The following PTPRN2 variants were observed in gnomAD, a reference collection of about 807,000 sequenced individuals.
PTPRN2 encodes receptor-type tyrosine-protein phosphatase N2.
In PTPRN2, 74 loss-of-function variants were observed where a neutral mutation model predicts 118.8. The observed-to-expected ratio is 0.62, with a 90% CI of 0.52 to 0.76. The LOEUF is 0.76. PTPRN2 is among the 30% of genes least tolerant of loss of function. The pLI is 0.00. For synonymous variants in PTPRN2, 641 were observed against 608.0 expected (o/e 1.05, Z -0.80); for missense variants, 1,481 against 1,394.4 (o/e 1.06, Z -0.99).
At chr7:158,305,464 T>C (rs1801210827) in intron 3 of PTPRN2, among the ~76,000 whole-genome samples, 2 of 152,214 alleles carry the variant, frequency 1.3e-5, no homozygotes, top group South Asian at 4.2e-4. Context: ...CATGGCAGCA[T>C]TGTTTTTGGG....
intron 1 of PTPRN2, among the ~76,000 whole-genome samples, chr7:158,580,685 C>T (rs28431118): frequency 0.011 from 1,602 of 152,242 alleles, 26 homozygotes; most frequent in African/African-American, 0.036. Flanking sequence ...TCTCTCATCC[C>T]TTATTCTGAA....
At chr7:158,009,548 A>G (rs1013147843) in intron 11 of PTPRN2, among the ~76,000 whole-genome samples, 1 of 152,242 alleles carries the variant, frequency 6.6e-6, no homozygotes, top group Non-Finnish European at 1.5e-5. Context: ...TGATAAGGCC[A>G]GGATTCTTAA....
In PTPRN2 at chr7:157,615,888, G is replaced by C; in HGVS notation, c.2344+5474C>G. 3.0e-6 allele frequency: 1 copy of C among 329,192 alleles called. No homozygotes were observed. The highest frequency in any genetic ancestry group is 6.0e-6 in the Non-Finnish European group (1 of 167,450). 20.4% of individuals were successfully genotyped at this position (329,192 alleles called of 1,614,324 possible). A position where few individuals can be genotyped will look rare whatever the true frequency, so the allele number is the denominator to read the frequency against. ...TAAGGAAAAGACTCTGGATGTTAGT[G>C]GGTTCGGCCTCAGAATCAGCCGGCG... On this transcript the variant is annotated intron_variant, in intron 15 of 22. Coordinates refer to ENST00000389418, the MANE Select transcript of PTPRN2 (RefSeq NM_002847.5). The surrounding 1 kb of genome is among the most constrained non-coding windows in gnomAD (Gnocchi z 4.3).
chr7:157,737,205 T>C (rs1800349749), intron 12 of PTPRN2, among the ~76,000 whole-genome samples: 2 of 152,264 alleles, frequency 1.3e-5, no homozygotes, highest in Admixed American at 6.5e-5. Flanking sequence ...TTTATCTTCA[T>C]GCGTCTTCCT....
intron 12 of PTPRN2, among the ~76,000 whole-genome samples, chr7:157,757,618 C>T (rs1401187143): frequency 6.6e-6 from 1 of 151,018 alleles, no homozygotes; most frequent in Non-Finnish European, 1.5e-5. Context: ...ATCTCGAAGC[C>T]GTGCGTCTTT....
At chr7:158,067,359 C>T (rs1170763561) in intron 11 of PTPRN2, among the ~76,000 whole-genome samples, 2 of 152,174 alleles carry the variant, frequency 1.3e-5, no homozygotes, top group Non-Finnish European at 2.9e-5. Flanking sequence ...TCCCAGCTGG[C>T]AGGGGGCAGG....
At chr7:158,066,746 T>C (rs1036883043) in intron 11 of PTPRN2, among the ~76,000 whole-genome samples, 4 of 151,794 alleles carry the variant, frequency 2.6e-5, no homozygotes, top group African/African-American at 7.3e-5. Context: ...AAATTAATAA[T>C]GCCAAGCAGA....
At chr7:157,707,646 C>T (rs1026023816) in intron 12 of PTPRN2, among the ~76,000 whole-genome samples, 9 of 151,840 alleles carry the variant, frequency 5.9e-5, no homozygotes, top group African/African-American at 1.2e-4. Context: ...TGCAGTGACA[C>T]GATCTCTGCT....
chr7:157,969,552 C>T (rs1330703145), intron 11 of PTPRN2, among the ~76,000 whole-genome samples: 1 of 152,056 alleles, frequency 6.6e-6, no homozygotes, highest in Non-Finnish European at 1.5e-5. Flanking sequence ...TGGGTTTCAT[C>T]AGAACCTCCT....
At chr7:158,072,008 CGT>C in intron 11 of PTPRN2, among the ~76,000 whole-genome samples, 1 of 110,926 alleles carries the variant, frequency 9.0e-6, no homozygotes, top group African/African-American at 3.7e-5. Context: ...TGGAGGTGCT[CGT>C]CGTATGGAGG....
At chr7:158,382,196 C>A (rs1811013589) in intron 2 of PTPRN2, among the ~76,000 whole-genome samples, 7 of 152,152 alleles carry the variant, frequency 4.6e-5, no homozygotes, top group Admixed American at 4.6e-4. Context: ...CAGCTCAGCA[C>A]AGCCTCATGA....
intron 6 of PTPRN2, among the ~76,000 whole-genome samples, chr7:158,165,357 C>T (rs982011808): frequency 7.2e-5 from 11 of 152,196 alleles, no homozygotes; most frequent in South Asian, 2.1e-4. Context: ...GGGCAGCTCC[C>T]GTAGCAAACA....
rs138965974 is a variant in PTPRN2, at chr7:157,855,416, T to C, written c.1788+43257A>G. On this transcript the variant is annotated intron_variant, in intron 12 of 22. Coordinates refer to ENST00000389418, the MANE Select transcript of PTPRN2 (RefSeq NM_002847.5). The stretch of plus-strand genomic sequence containing the variant: ...AGTTTCCAAACAACAAACAAACCCA[T>C]GGAGCACGAAACCTCTGGGGACCTT... Among the ~76,000 whole-genome samples the C allele has an allele frequency of 1.2e-3, 188 of 152,304 alleles. 1 individual carries two copies. Among genetic ancestry groups the C allele is most frequent in the African/African-American group, 4.4e-3 (184 of 41,556 alleles).
chr7:157,845,000 G>A (rs1174280809), intron 12 of PTPRN2, among the ~76,000 whole-genome samples: 1 of 151,794 alleles, frequency 6.6e-6, no homozygotes, highest in Non-Finnish European at 1.5e-5. Context: ...AAACCCTACA[G>A]ATCGGTTGGG....
At chr7:158,508,581 T>C (rs1822944394) in intron 1 of PTPRN2, among the ~76,000 whole-genome samples, 1 of 151,660 alleles carries the variant, frequency 6.6e-6, no homozygotes, top group African/African-American at 2.4e-5. Context: ...GGTGCGGAAG[T>C]GGCTCCGCTC....
chr7:157,811,291 AT>A (rs1283926064), intron 12 of PTPRN2, among the ~76,000 whole-genome samples: 8 of 147,932 alleles, frequency 5.4e-5, no homozygotes, highest in East Asian at 3.9e-4. Flanking sequence ...ACCCAAAAAA[AT>A]AAAACAAAAA....
chr7:157,798,608 G>A (rs947737678), intron 12 of PTPRN2, among the ~76,000 whole-genome samples: 1 of 152,126 alleles, frequency 6.6e-6, no homozygotes, highest in Admixed American at 6.5e-5. Context: ...CCCTGGGCAG[G>A]TTATTTTCTT....
At chr7:158,513,821 T>C (rs943351378) in intron 1 of PTPRN2, among the ~76,000 whole-genome samples, 3 of 152,250 alleles carry the variant, frequency 2.0e-5, no homozygotes, top group African/African-American at 4.8e-5. Context: ...TGGCCTTTGA[T>C]CTTCCTTTTC....
Position 157,839,558 on chromosome 7 carries a change from T to A in PTPRN2, c.1788+59115A>T, listed in dbSNP as rs573483722. On this transcript the variant is annotated intron_variant, in intron 12 of 22. Coordinates refer to ENST00000389418, the MANE Select transcript of PTPRN2 (RefSeq NM_002847.5). ...ATTACTCTGTGTGTCTGTGTGTGTG[T>A]GAGAGATTGTGTGTGTGACTGTGTG... Among the ~76,000 whole-genome samples, 1,141 of 152,100 alleles carry A rather than the reference T, an allele frequency of 7.5e-3. 38 individuals are homozygous for A. In the South Asian group the frequency reaches 0.12, roughly 15 times the overall value.
Sources: allele counts gnomAD v4.1 joint callset (sites outside exome capture counted in the v4.1 genomes callset), GRCh38; gene constraint gnomAD v4.1.1; non-coding constraint Gnocchi (gnomAD v3.1); transcripts MANE v1.5; gene names NCBI Gene and HGNC (gene_info 2026-07-23, HGNC 2026-07-21).